The following TMPRSS4 variants were observed in gnomAD, a reference collection of about 807,000 sequenced individuals.
TMPRSS4 encodes transmembrane protease serine 4.
Under a neutral mutation model 56.4 loss-of-function variants are expected in TMPRSS4, and 45 were observed. The ratio of observed to expected loss-of-function variants is 0.80; its 90% confidence interval spans 0.63 to 1.02. The LOEUF (loss-of-function observed/expected upper bound fraction) is 1.02, where lower values mean the gene tolerates loss of function less well. Ranked by LOEUF, TMPRSS4 falls within the 50% of genes least tolerant of loss-of-function variation. The pLI is 0.00. For missense variants in TMPRSS4, 546 were observed against 556.7 expected, an observed-to-expected ratio of 0.98 and a Z score of 0.19; for synonymous variants, 205 against 211.0, an observed-to-expected ratio of 0.97 and a Z score of 0.25.
intron 7 of TMPRSS4, 91 bp downstream of exon 7, chr11:118,108,987 T>TC: frequency 6.9e-7 from 1 of 1,444,962 alleles, no homozygotes; most frequent in South Asian, 1.2e-5. Flanking sequence ...TTTCTGGGAC[T>TC]CCAAGTTTCA....
At chr11:118,102,860 C>T (rs536420688) in intron 3 of TMPRSS4, 78 of 516,328 alleles carry the variant, frequency 1.5e-4, no homozygotes, top group African/African-American at 1.4e-3. Flanking sequence ...CTCCCACACA[C>T]GTGACCTCTC....
intron 9 of TMPRSS4, among the ~76,000 whole-genome samples, chr11:118,114,447 G>C (rs1401576893): frequency 6.6e-6 from 1 of 152,244 alleles, no homozygotes; most frequent in Non-Finnish European, 1.5e-5. Context: ...GCCACCTGTG[G>C]CTTCCATGGG....
intron 1 of TMPRSS4, among the ~76,000 whole-genome samples, chr11:118,090,110 GGGATTACAGGTGTA>G (rs1945839772): frequency 6.6e-6 from 1 of 152,136 alleles, no homozygotes; most frequent in African/African-American, 2.4e-5. Flanking sequence ...CCAAAGTGCT[GGGATTACAGGTGTA>G]AGCCACCGTA....
intron 1 of TMPRSS4, among the ~76,000 whole-genome samples, chr11:118,081,819 T>C (rs1311948336): frequency 6.6e-6 from 1 of 152,236 alleles, no homozygotes; most frequent in Non-Finnish European, 1.5e-5. Flanking sequence ...ACTGGCAAGA[T>C]ACCATGGAAG....
intron 2 of TMPRSS4, 105 bp from the exon 3 acceptor site, chr11:118,098,880 G>A: frequency 1.2e-6 from 1 of 845,774 alleles, no homozygotes; most frequent in Non-Finnish European, 1.9e-6. Context: ...CTGTGCTCAA[G>A]GCATACCTGT....
chr11:118,077,477 C>A (rs373666401), intron 1 of TMPRSS4, among the ~76,000 whole-genome samples, 172 bp downstream of exon 1: 2 of 152,178 alleles, frequency 1.3e-5, no homozygotes, highest in Admixed American at 6.5e-5. Flanking sequence ...CGTCTCATAC[C>A]CACCTGCCTT....
At chr11:118,108,120 C>G in intron 6 of TMPRSS4, 1 of 436,400 alleles carries the variant, frequency 2.3e-6, no homozygotes, top group Non-Finnish European at 4.1e-6. Flanking sequence ...CTACTCAGAG[C>G]CAGAGGGATG....
At chr11:118,103,001 C>T (rs571697879) in intron 3 of TMPRSS4, 100 bp from the exon 4 acceptor site, 11 of 1,482,182 alleles carry the variant, frequency 7.4e-6, no homozygotes, top group Admixed American at 3.6e-5. Context: ...CTCACACATG[C>T]GTGTCTGAGA....
rs544374619 is a variant in TMPRSS4, at chr11:118,119,997, T to A, written c.*2084T>A. 4 of 152,162 alleles carry A rather than the reference T, an allele frequency of 2.6e-5. No individual in the cohort carries two copies. The South Asian group carries it at 6.2e-4, about 24-fold the overall frequency. The allele number at this position is 152,162 out of a possible 1,614,324, so 9.4% of individuals were successfully genotyped here. A position where few individuals can be genotyped will look rare whatever the true frequency, so the allele number is the denominator to read the frequency against. On this transcript the variant is annotated 3_prime_UTR_variant, in exon 13 of 13. Transcript: ENST00000437212. ...AGAAACTCAGTACCCATCAAACAAC[T>A]CTCCATTTCCCCCTCCTCCCAATCT...
intron 6 of TMPRSS4, chr11:118,108,564 C>A (rs1238551494): frequency 1.8e-5 from 8 of 448,640 alleles, no homozygotes; most frequent in Non-Finnish European, 3.1e-5. Flanking sequence ...CTGTTCCGGG[C>A]TCTGTCCTCT....
rs146209120 is a variant in TMPRSS4, at chr11:118,094,991, C to T, written c.43+136C>T. On this transcript the variant is annotated intron_variant, in intron 2 of 12. Transcript: ENST00000437212. Reference sequence around the variant, plus strand: ...GTGCCATGAGTGACATCCAGTCACCCGTCCATCCATCACTCAGCAAACATT... The same window carrying T: ...GTGCCATGAGTGACATCCAGTCACCTGTCCATCCATCACTCAGCAAACATT... 704 of 887,344 alleles carry T rather than the reference C, an allele frequency of 7.9e-4. 6 individuals are homozygous for T. The African/African-American group carries it at 0.011, about 13-fold the overall frequency. 55.0% of individuals were successfully genotyped at this position (887,344 alleles called of 1,614,324 possible). A position where few individuals can be genotyped will look rare whatever the true frequency, so the allele number is the denominator to read the frequency against.
chr11:118,116,411 G>A (rs1009861907), intron 11 of TMPRSS4, among the ~76,000 whole-genome samples: 1 of 152,198 alleles, frequency 6.6e-6, no homozygotes, highest in Non-Finnish European at 1.5e-5. Context: ...GGGGGAAAGG[G>A]GGGCATTAAA....
At chr11:118,078,013 C>CAAAAAA (rs148383275) in intron 1 of TMPRSS4, among the ~76,000 whole-genome samples, 31 of 71,040 alleles carry the variant, frequency 4.4e-4, no homozygotes, top group African/African-American at 5.5e-4. Context: ...AACTCCGTCT[C>CAAAAAA]AAAAAAAAAA....
At chr11:118,082,917 G>A (rs759857339) in intron 1 of TMPRSS4, among the ~76,000 whole-genome samples, 11 of 152,164 alleles carry the variant, frequency 7.2e-5, no homozygotes, top group Non-Finnish European at 1.2e-4. Flanking sequence ...TTCCCCAAGC[G>A]TACTTTGACC....
chr11:118,080,081 TG>T (rs1945008024), intron 1 of TMPRSS4, among the ~76,000 whole-genome samples: 1 of 152,056 alleles, frequency 6.6e-6, no homozygotes. Flanking sequence ...TAAATGGGGC[TG>T]GGGATTGGGA....
intron 5 of TMPRSS4, among the ~76,000 whole-genome samples, chr11:118,105,052 C>G (rs11216757): frequency 0.056 from 8,451 of 152,164 alleles, 596 homozygotes; most frequent in African/African-American, 0.16. Context: ...GATAGTTTTG[C>G]AATGCCAGTG....
chr11:118,088,970 G>A (rs1945775663), intron 1 of TMPRSS4, among the ~76,000 whole-genome samples: 4 of 152,278 alleles, frequency 2.6e-5, no homozygotes, highest in Admixed American at 1.3e-4. Flanking sequence ...TGGTGATGGG[G>A]TCTGGCTGGA....
Position 118,107,874 on chromosome 11 carries a change from G to A in TMPRSS4, c.541G>A (p.Gly181Arg), listed in dbSNP as rs754166895. 14 of 1,613,364 alleles carry A rather than the reference G, an allele frequency of 8.7e-6. No individual in the cohort carries two copies. Among genetic ancestry groups the A allele is most frequent in the Non-Finnish European group, 1.2e-5 (14 of 1,179,748 alleles). Residue 181 changes from glycine to arginine, a missense_variant and splice_region_variant, in exon 6 of 13, where the codon GGG (glycine) becomes AGG (arginine). By Grantham distance (125) the Gly-to-Arg change is moderately radical. Coordinates refer to ENST00000437212, the MANE Select transcript of TMPRSS4 (RefSeq NM_019894.4). ...GGAGCTTCGCATGCGGAACTCAAGT[G>A]GGTAAGTGAGGGGACACCTTCTGGC... is the stretch of plus-strand genomic sequence containing the variant. ...SQELRMRNSS[G>R]PCLSGSLVSL...
chr11:118,113,091 T>C (rs1274443759), intron 8 of TMPRSS4, among the ~76,000 whole-genome samples, 178 bp from the exon 9 acceptor site: 3 of 151,974 alleles, frequency 2.0e-5, no homozygotes, highest in Non-Finnish European at 4.4e-5. Flanking sequence ...TTTTTCGAAT[T>C]TGACTTCTTG....
Sources: gnomAD v4.1 joint callset for allele counts (sites outside exome capture counted in the v4.1 genomes callset) on GRCh38, gnomAD v4.1.1 for gene constraint, MANE v1.5 for transcripts, NCBI Gene and HGNC (gene_info 2026-07-23, HGNC 2026-07-21) for gene names.